ATP5F1E: variants seen among roughly 807,000 people sequenced by gnomAD.
ATP5F1E encodes the protein ATP synthase F1 subunit epsilon, also known as ATP synthase F(1) complex subunit epsilon, mitochondrial.
Under a neutral mutation model 7.0 loss-of-function variants are expected in ATP5F1E, and 5 were observed. The ratio of observed to expected loss-of-function variants is 0.71; its 90% confidence interval spans 0.37 to 1.49. The LOEUF is 1.49. Ranked by LOEUF, ATP5F1E falls within the 40% of genes most tolerant of loss-of-function variation. The pLI, the probability that ATP5F1E is intolerant of heterozygous loss-of-function variation, is 0.03. For missense variants in ATP5F1E, 59 were observed against 57.1 expected, an observed-to-expected ratio of 1.03 and a Z score of -0.11; for synonymous variants, 20 against 20.1, an observed-to-expected ratio of 0.99 and a Z score of 0.02.
Position 59,027,940 on chromosome 20 carries a change from CA to C in ATP5F1E, c.*904del, listed in dbSNP as rs1353551326. The stretch of plus-strand genomic sequence containing the variant: ...TCCTAGAATGGTGTTTCAAAATTTC[CA>C]GTTCAAATTTATTTCTCCAGTCTCC... On this transcript the variant is annotated 3_prime_UTR_variant, in exon 3 of 3. Transcript: ENST00000243997. 5 of 152,146 alleles carry C rather than the reference CA, an allele frequency of 3.3e-5. No homozygotes were observed. The highest frequency in any genetic ancestry group is 2.0e-4 in the Admixed American group (3 of 15,276). 9.4% of individuals were successfully genotyped at this position (152,146 alleles called of 1,614,324 possible). A position where few individuals can be genotyped will look rare whatever the true frequency, so the allele number is the denominator to read the frequency against.
At chr20:59,029,575 T>C (rs1299499643) in intron 2 of ATP5F1E, 1 of 152,284 alleles carries the variant, frequency 6.6e-6, no homozygotes, top group African/African-American at 2.4e-5. Flanking sequence ...ATCTCTCTGA[T>C]AATTTGCCTT....
chr20:59,031,806 G>A (rs1434168511), intron 1 of ATP5F1E, among the ~76,000 whole-genome samples: 4 of 152,256 alleles, frequency 2.6e-5, no homozygotes. Flanking sequence ...AAAGGTCAAA[G>A]CTGCTAACGG....
intron 1 of ATP5F1E, 128 bp downstream of exon 1, chr20:59,032,092 G>A: frequency 4.5e-6 from 6 of 1,340,900 alleles, no homozygotes; most frequent in Non-Finnish European, 5.1e-6. Flanking sequence ...TCTTGGCGGC[G>A]ACGCCCGAGG....
At chr20:59,029,461 TCATAAC>T (rs1297397458) in intron 2 of ATP5F1E, 4 of 152,238 alleles carry the variant, frequency 2.6e-5, no homozygotes, top group Admixed American at 2.0e-4. Context: ...GTAAAATTGC[TCATAAC>T]CATAAGCTGC....
Position 59,030,311 on chromosome 20 carries a change from C to T in ATP5F1E, c.151G>A (p.Glu51Lys), listed in dbSNP as rs535707067. Residue 51 changes from glutamate (E) to lysine (K), a missense_variant, in exon 2 of 3, where the codon GAA becomes AAA. Physicochemically the swap from Glu to Lys is moderately conservative, Grantham distance 56 (BLOSUM62 1). Coordinates refer to ENST00000243997, the MANE Select transcript of ATP5F1E (RefSeq NM_006886.4). ...ATAAATCCATAACTTACAGATTATTCCTTCTTTACTTTCACAATTTTTACG... is the reference window on the plus strand; with the variant it reads ...ATAAATCCATAACTTACAGATTATTTCTTCTTTACTTTCACAATTTTTACG... ...SNVKIVKVKKE is the reference protein window; with the variant it reads ...SNVKIVKVKKK 6.3e-5 allele frequency: 101 copies of T among 1,613,574 alleles called. 1 individual carries two copies. The South Asian group carries it at 1.0e-3, about 16-fold the overall frequency.
rs2091992006 is a variant in ATP5F1E, at chr20:59,025,926, TAC to T, written c.*2917_*2918del. The T allele has an allele frequency of 6.6e-6, 1 of 152,254 alleles. No homozygotes were observed. The highest frequency in any genetic ancestry group is 1.5e-5 in the Non-Finnish European group (1 of 68,046). The allele number at this position is 152,254 out of a possible 1,614,324, so 9.4% of individuals were successfully genotyped here. A position where few individuals can be genotyped will look rare whatever the true frequency, so the allele number is the denominator to read the frequency against. On this transcript the variant is annotated 3_prime_UTR_variant, in exon 3 of 3. Transcript: ENST00000243997. ...ATCAAATCATCTGTAACTTCTTAAT[TAC>T]AGTTTACCTATTTCTGACATGCAGC...
At chr20:59,029,308 C>G (rs933437021) in intron 2 of ATP5F1E, 1 of 152,158 alleles carries the variant, frequency 6.6e-6, no homozygotes, top group Non-Finnish European at 1.5e-5. Context: ...AAAACCAGGT[C>G]TCATTACTCA....
In ATP5F1E at chr20:59,025,672, T is replaced by C. The variant is rs1282333681; in HGVS notation, c.*3173A>G. The C allele has an allele frequency of 6.6e-6, 1 of 152,254 alleles. No homozygotes were observed. Among genetic ancestry groups the C allele is most frequent in the Non-Finnish European group, 1.5e-5 (1 of 68,042 alleles). The allele number at this position is 152,254 out of a possible 1,614,324, so 9.4% of individuals were successfully genotyped here. ...AAAATGCTCTGCAGCCTCTCTGCTC[T>C]TTGAGAAAGGGCACACCATGCGCTC... On this transcript the variant is annotated 3_prime_UTR_variant, in exon 3 of 3. Transcript: ENST00000243997.
At chr20:59,030,907 C>T (rs1870550749) in intron 1 of ATP5F1E, among the ~76,000 whole-genome samples, 1 of 152,194 alleles carries the variant, frequency 6.6e-6, no homozygotes, top group Admixed American at 6.5e-5. Flanking sequence ...TATTTAAACT[C>T]TTCTCTGAGA....
At chr20:59,028,885 G>A (rs1279178761) in intron 2 of ATP5F1E, 44 bp from the exon 3 acceptor site, 1 of 166,676 alleles carries the variant, frequency 6.0e-6, no homozygotes, top group South Asian at 2.1e-4. Context: ...AGTTCTCTGT[G>A]TTTTCTTAAA....
chr20:59,030,308 A>G lies in ATP5F1E; in HGVS notation c.154T>C (p.Ter52GlnextTer7). The change falls in exon 2 of 3, where the codon TAA becomes CAA. Residue 52 changes from the stop codon to glutamine (Q), a stop_lost. Coordinates refer to ENST00000243997, the MANE Select transcript of ATP5F1E (RefSeq NM_006886.4). ...NVKIVKVKKE[*>Q] ...TAAATAAATCCATAACTTACAGATT[A>G]TTCCTTCTTTACTTTCACAATTTTT... 6.2e-7 allele frequency: 1 copy of G among 1,613,634 alleles called. No individual in the cohort carries two copies. The highest frequency in any genetic ancestry group is 8.5e-7 in the Non-Finnish European group (1 of 1,179,708).
chr20:59,031,569 G>T (rs1293405731), intron 1 of ATP5F1E, among the ~76,000 whole-genome samples: 1 of 152,166 alleles, frequency 6.6e-6, no homozygotes, highest in Non-Finnish European at 1.5e-5. Context: ...AAAAAAATCG[G>T]ATGTGACAGC....
In ATP5F1E at chr20:59,028,279, AAC is replaced by A. The variant is rs776533780; in HGVS notation, c.*564_*565del. ...GATTCATTTACAAAACAATGTGAAA[AAC>A]ACTTTGTGCTTAAATTCTGTAACCG... On this transcript the variant is annotated 3_prime_UTR_variant, in exon 3 of 3. Coordinates refer to ENST00000243997, the MANE Select transcript of ATP5F1E (RefSeq NM_006886.4). 1 of 152,236 alleles carries A rather than the reference AAC, an allele frequency of 6.6e-6. No homozygotes were observed. Among genetic ancestry groups the A allele is most frequent in the Non-Finnish European group, 1.5e-5 (1 of 68,046 alleles). The allele number at this position is 152,236 out of a possible 1,614,324, so 9.4% of individuals were successfully genotyped here. A position where few individuals can be genotyped will look rare whatever the true frequency, so the allele number is the denominator to read the frequency against.
rs1435024874 is a variant in ATP5F1E, at chr20:59,028,819, G to A, written c.*26C>T. On this transcript the variant is annotated 3_prime_UTR_variant, in exon 3 of 3. Transcript: ENST00000243997. ...CACACATCTTCACCTTGGAAATGTAGCATTTCAAGCTTTAGTCAGGGTCTA... is the reference window on the plus strand; with the variant it reads ...CACACATCTTCACCTTGGAAATGTAACATTTCAAGCTTTAGTCAGGGTCTA... 6.0e-6 allele frequency: 1 copy of A among 167,092 alleles called. No individual in the cohort carries two copies. The highest frequency in any genetic ancestry group is 1.9e-4 in the East Asian group (1 of 5,196). The allele number at this position is 167,092 out of a possible 1,614,324, so 10.4% of individuals were successfully genotyped here.
In ATP5F1E at chr20:59,027,059, T is replaced by C. The variant is rs2091998552; in HGVS notation, c.*1786A>G. 1 of 151,704 alleles carries C rather than the reference T, an allele frequency of 6.6e-6. No homozygotes were observed. Among genetic ancestry groups the C allele is most frequent in the African/African-American group, 2.4e-5 (1 of 41,276 alleles). 9.4% of individuals were successfully genotyped at this position (151,704 alleles called of 1,614,324 possible). A position where few individuals can be genotyped will look rare whatever the true frequency, so the allele number is the denominator to read the frequency against. ...AGTTTATTATACTACTGGTTTAGGA[T>C]TTTTTTTTAATCACGGAGAAAAGAG... On this transcript the variant is annotated 3_prime_UTR_variant, in exon 3 of 3. Transcript: ENST00000243997.
Position 59,028,483 on chromosome 20 carries a change from A to G in ATP5F1E, c.*362T>C, listed in dbSNP as rs1291684524. On this transcript the variant is annotated 3_prime_UTR_variant, in exon 3 of 3. Transcript: ENST00000243997. ...GACTACGAAGCCTCAATGACAGCAG[A>G]TAATTTTGATCACCAATTAATGTCA... The G allele has an allele frequency of 6.6e-6, 1 of 152,454 alleles. No individual in the cohort carries two copies. Among genetic ancestry groups the G allele is most frequent in the Non-Finnish European group, 1.5e-5 (1 of 68,040 alleles). 9.4% of individuals were successfully genotyped at this position (152,454 alleles called of 1,614,324 possible).
In ATP5F1E at chr20:59,026,195, T is replaced by C. The variant is rs932737156; in HGVS notation, c.*2650A>G. ...TGAGAAACTTCACTCTTTTCACTTA[T>C]GCATCACGAGGAAATAACTAAAATA... On this transcript the variant is annotated 3_prime_UTR_variant, in exon 3 of 3. Coordinates refer to ENST00000243997, the MANE Select transcript of ATP5F1E (RefSeq NM_006886.4). 6.6e-6 allele frequency: 1 copy of C among 152,270 alleles called. No individual in the cohort carries two copies. The highest frequency in any genetic ancestry group is 2.4e-5 in the African/African-American group (1 of 41,468). 9.4% of individuals were successfully genotyped at this position (152,270 alleles called of 1,614,324 possible).
Position 59,026,538 on chromosome 20 carries a change from A to C in ATP5F1E, c.*2307T>G, listed in dbSNP as rs565037110. ...CCTTTTAAAAAACTTTTGCTGACTT[A>C]TATTACTGTAAAGATTTGTTTGCTC... On this transcript the variant is annotated 3_prime_UTR_variant, in exon 3 of 3. Transcript: ENST00000243997. The C allele has an allele frequency of 6.6e-6, 1 of 152,384 alleles. No individual in the cohort carries two copies. Among genetic ancestry groups the C allele is most frequent in the South Asian group, 2.1e-4 (1 of 4,832 alleles). 9.4% of individuals were successfully genotyped at this position (152,384 alleles called of 1,614,324 possible).
intron 1 of ATP5F1E, among the ~76,000 whole-genome samples, 154 bp downstream of exon 1, chr20:59,032,065 TG>T (rs1276193821): frequency 1.3e-5 from 2 of 152,230 alleles, no homozygotes; most frequent in African/African-American, 4.8e-5. Flanking sequence ...CTGAGCGCTT[TG>T]CCCACAGCGA....
Sources: gnomAD v4.1 joint callset for allele counts (sites outside exome capture counted in the v4.1 genomes callset) on GRCh38, gnomAD v4.1.1 for gene constraint, MANE v1.5 for transcripts, NCBI Gene and HGNC (gene_info 2026-07-23, HGNC 2026-07-21) for gene names.